PRELID2: variants seen among roughly 807,000 people sequenced by gnomAD.
The protein encoded by PRELID2 is PRELI domain containing 2, also known as PRELI domain-containing protein 2.
PRELID2 carries 25 observed loss-of-function variants against 28.4 expected under a neutral mutation model. The ratio of observed to expected loss-of-function variants is 0.88; its 90% CI spans 0.64 to 1.23. PRELID2 has a LOEUF of 1.23. Among genes scored for constraint, PRELID2 ranks in the 50% most tolerant of loss-of-function variants. The pLI, the probability that PRELID2 is intolerant of heterozygous loss-of-function variation, is 0.00. For missense variants in PRELID2, 201 were observed against 214.4 expected (o/e 0.94, Z 0.39); for synonymous variants, 76 against 71.6 (o/e 1.06, Z -0.31).
the PRELID2 span, among the ~76,000 whole-genome samples, chr5:145,415,534 G>C: frequency 1.4e-5 from 2 of 147,582 alleles, no homozygotes; most frequent in Non-Finnish European, 3.0e-5. Flanking sequence ...TGCAGTGTTT[G>C]GTTTTTTGTC....
At chr5:145,316,953 C>G in the PRELID2 span, among the ~76,000 whole-genome samples, 1 of 152,194 alleles carries the variant, frequency 6.6e-6, no homozygotes, top group Non-Finnish European at 1.5e-5. Flanking sequence ...CATCACAGTT[C>G]TAAAAGATCA....
the PRELID2 span, among the ~76,000 whole-genome samples, chr5:145,382,525 CT>C: frequency 6.6e-6 from 1 of 151,908 alleles, no homozygotes; most frequent in Non-Finnish European, 1.5e-5. Flanking sequence ...TGGCAGATAA[CT>C]TTTTGTCAAA....
the PRELID2 span, among the ~76,000 whole-genome samples, chr5:145,339,524 C>T: frequency 1.3e-5 from 2 of 152,176 alleles, no homozygotes; most frequent in South Asian, 2.1e-4. Flanking sequence ...CACAGCCCCA[C>T]AGGTATCTGA....
the PRELID2 span, among the ~76,000 whole-genome samples, chr5:145,297,725 G>A: frequency 9.2e-5 from 14 of 151,742 alleles, no homozygotes; most frequent in East Asian, 3.9e-4. Flanking sequence ...AAACTCCATC[G>A]TCTCAGCCCA....
chr5:145,415,033 A>G, the PRELID2 span, among the ~76,000 whole-genome samples: 1 of 152,322 alleles, frequency 6.6e-6, no homozygotes, highest in African/African-American at 2.4e-5. Context: ...CCAAAATAAC[A>G]GAATATACAT....
chr5:145,560,107 T>C (rs1752914664), intron 1 of PRELID2, among the ~76,000 whole-genome samples: 1 of 152,208 alleles, frequency 6.6e-6, no homozygotes, highest in South Asian at 2.1e-4. Flanking sequence ...GAATACCTCA[T>C]GTAATTTATT....
rs141239782 is a variant in PRELID2, at chr5:145,810,317, C to G, written c.368+7577G>C. ...GCATCTCTCATTCTACACATTCAAG[C>G]AGTGCATCAGAGGACCCTATGTGAT... On this transcript the variant is annotated intron_variant, in intron 4 of 6. Coordinates refer to ENST00000683046, the MANE Select transcript of PRELID2 (RefSeq NM_205846.3). 3.1e-3 allele frequency among the ~76,000 whole-genome samples: 469 copies of G among 152,300 alleles called. 2 individuals carry two copies. Among genetic ancestry groups the G allele is most frequent in the African/African-American group, 0.01 (426 of 41,568 alleles).
chr5:145,522,222 T>C (rs28531784), intron 1 of PRELID2, among the ~76,000 whole-genome samples: 2,767 of 152,310 alleles, frequency 0.018, 73 homozygotes, highest in African/African-American at 0.063. Flanking sequence ...TCAAGACCAT[T>C]TATTTGAACT....
chr5:145,492,941 A>G (rs1561493497), intron 1 of PRELID2, among the ~76,000 whole-genome samples: 1 of 140,698 alleles, frequency 7.1e-6, no homozygotes, highest in Non-Finnish European at 1.6e-5. Flanking sequence ...CTGGGTGGTA[A>G]GCCCAGTGTT....
At chr5:145,337,882 C>T in the PRELID2 span, 4 of 151,334 alleles carry the variant, frequency 2.6e-5, no homozygotes, top group Admixed American at 6.6e-5. Flanking sequence ...GTTCACCAAC[C>T]TGGAAGCTTC....
intron 1 of PRELID2, among the ~76,000 whole-genome samples, chr5:145,517,514 T>C (rs1752527267): frequency 6.6e-6 from 1 of 152,106 alleles, no homozygotes; most frequent in African/African-American, 2.4e-5. Context: ...TGTGGAGATA[T>C]ATATAGGAAC....
chr5:145,381,021 T>A, the PRELID2 span, among the ~76,000 whole-genome samples: 1 of 152,200 alleles, frequency 6.6e-6, no homozygotes, highest in Non-Finnish European at 1.5e-5. Flanking sequence ...CCACTGGAAA[T>A]TCTGCTTCAT....
the PRELID2 span, among the ~76,000 whole-genome samples, chr5:145,466,409 T>C: frequency 3.3e-5 from 5 of 152,236 alleles, no homozygotes; most frequent in Admixed American, 2.6e-4. Flanking sequence ...TACTTGGAAA[T>C]AGTGATCAAA....
intron 1 of PRELID2, among the ~76,000 whole-genome samples, chr5:145,649,617 A>G (rs1436245275): frequency 6.6e-6 from 1 of 152,090 alleles, no homozygotes; most frequent in East Asian, 1.9e-4. Context: ...TCCACACTTG[A>G]GTCTGGTTGT....
chr5:145,257,904 G>A, the PRELID2 span, among the ~76,000 whole-genome samples: 1 of 152,072 alleles, frequency 6.6e-6, no homozygotes. Context: ...ACCATGGTGG[G>A]GGATTTCTCA....
downstream of PRELID2, among the ~76,000 whole-genome samples, chr5:145,753,078 C>A (rs1015506581): frequency 2.6e-5 from 4 of 152,208 alleles, no homozygotes; most frequent in African/African-American, 4.8e-5. Context: ...CCTTTGTCAT[C>A]GGATCTAAAA....
At chr5:145,444,373 G>C in the PRELID2 span, among the ~76,000 whole-genome samples, 1 of 152,052 alleles carries the variant, frequency 6.6e-6, no homozygotes, top group East Asian at 1.9e-4. Context: ...ATTCCCCATG[G>C]CCAAGGGTAT....
the PRELID2 span, among the ~76,000 whole-genome samples, chr5:145,384,237 A>T: frequency 6.6e-6 from 1 of 152,208 alleles, no homozygotes; most frequent in South Asian, 2.1e-4. Context: ...TCATCCACTT[A>T]CCAACCTGTT....
the PRELID2 span, among the ~76,000 whole-genome samples, chr5:145,465,406 C>T: frequency 6.6e-6 from 1 of 152,116 alleles, no homozygotes; most frequent in South Asian, 2.1e-4. Context: ...GAGAACCAGG[C>T]AATGAATTCC....
Sources: allele counts gnomAD v4.1 joint callset (sites outside exome capture counted in the v4.1 genomes callset), GRCh38; gene constraint gnomAD v4.1.1; transcripts MANE v1.5; gene names NCBI Gene and HGNC (gene_info 2026-07-23, HGNC 2026-07-21).